Variants in PLCB1 observed in about 807,000 individuals in gnomAD.
PLCB1 encodes 1-phosphatidylinositol 4,5-bisphosphate phosphodiesterase beta-1.
A neutral mutation model predicts 161.8 loss-of-function variants in PLCB1; 46 were observed. That is an observed-to-expected ratio of 0.28 (90% CI 0.22 to 0.36). The LOEUF (loss-of-function observed/expected upper bound fraction) is 0.36, where lower values mean the gene tolerates loss of function less well. PLCB1 is among the 10% of genes least tolerant of loss of function. The pLI is 1.00. For missense variants in PLCB1, 1,016 were observed against 1,472.5 expected (o/e 0.69, Z 5.07); for synonymous variants, 517 against 503.7 (o/e 1.03, Z -0.35).
At chr20:8,364,511 A>G (rs1452052807) in intron 2 of PLCB1, among the ~76,000 whole-genome samples, 1 of 152,192 alleles carries the variant, frequency 6.6e-6, no homozygotes, top group East Asian at 1.9e-4. Context: ...TGCTTGCAAA[A>G]ATAAGGCATC....
intron 31 of PLCB1, among the ~76,000 whole-genome samples, chr20:8,842,084 TGA>T (rs1403939598): frequency 3.9e-5 from 6 of 152,104 alleles, no homozygotes; most frequent in African/African-American, 1.4e-4. Flanking sequence ...AAGGAAATGA[TGA>T]CATCAGTGTA....
At chr20:8,459,292 T>G (rs1048311051) in intron 3 of PLCB1, among the ~76,000 whole-genome samples, 1 of 152,216 alleles carries the variant, frequency 6.6e-6, no homozygotes, top group Non-Finnish European at 1.5e-5. Flanking sequence ...AAAGCATGTT[T>G]TTTCAATCCT....
intron 23 of PLCB1, among the ~76,000 whole-genome samples, chr20:8,745,112 A>AT (rs1981101585): frequency 6.6e-6 from 1 of 152,118 alleles, no homozygotes; most frequent in Admixed American, 6.6e-5. Context: ...AGAAAATATG[A>AT]TTTTTTTTCC....
chr20:8,346,002 A>G (rs1466600496), intron 2 of PLCB1, among the ~76,000 whole-genome samples: 3 of 152,206 alleles, frequency 2.0e-5, no homozygotes, highest in African/African-American at 7.2e-5. Context: ...CATAAAGTAA[A>G]GAGGCCAAGG....
chr20:8,356,892 T>G (rs1180854825), intron 2 of PLCB1, among the ~76,000 whole-genome samples: 2 of 152,154 alleles, frequency 1.3e-5, no homozygotes, highest in Non-Finnish European at 2.9e-5. Flanking sequence ...TGGAAGACTT[T>G]AAGGAAAAGC....
chr20:8,175,464 TA>T (rs201444980), intron 2 of PLCB1, among the ~76,000 whole-genome samples: 51 of 32,036 alleles, frequency 1.6e-3, no homozygotes, highest in East Asian at 5.2e-3. Context: ...TAAGTAAAAA[TA>T]AAAAAAAAAG....
rs550953115 is a variant in PLCB1 at position 8,491,384 on chromosome 20, G to GT, written c.246+119939dup. ...AAATTTATTCTCACCAAATTTGAAC[G>GT]TTTTTCAGACATTACGTTCTCAAAT... is the stretch of plus-strand genomic sequence containing the variant. On this transcript the variant is annotated intron_variant, in intron 3 of 31. Coordinates refer to ENST00000338037, the MANE Select transcript of PLCB1 (RefSeq NM_015192.4). Among the ~76,000 whole-genome samples the GT allele has an allele frequency of 3.2e-3, 483 of 152,058 alleles. 1 individual carries two copies. Among genetic ancestry groups the GT allele is most frequent in the South Asian group, 0.016 (77 of 4,736 alleles).
intron 2 of PLCB1, among the ~76,000 whole-genome samples, chr20:8,261,800 TC>T (rs1198293132): frequency 2.0e-5 from 3 of 152,164 alleles, no homozygotes; most frequent in Non-Finnish European, 1.5e-5. Context: ...AACTTACTTT[TC>T]TTCTTAAACC....
At chr20:8,150,419 T>C in intron 2 of PLCB1, 48 bp downstream of exon 2, 1 of 818,424 alleles carries the variant, frequency 1.2e-6, no homozygotes, top group Non-Finnish European at 2.0e-6. Flanking sequence ...CGTTTACTAC[T>C]TTGAAAAGTA....
chr20:8,275,203 G>A (rs564741411), intron 2 of PLCB1, among the ~76,000 whole-genome samples: 5 of 150,996 alleles, frequency 3.3e-5, no homozygotes, highest in South Asian at 2.1e-4. Flanking sequence ...TTTCTCTCCC[G>A]ATACTTTGTT....
chr20:8,810,371 G>T (rs182875706), intron 31 of PLCB1, among the ~76,000 whole-genome samples: 229 of 152,216 alleles, frequency 1.5e-3, no homozygotes, highest in African/African-American at 5.2e-3. Context: ...TTTCTGATTA[G>T]AGCTCTCTTC....
At chr20:8,705,162 A>G (rs1170561107) in intron 11 of PLCB1, among the ~76,000 whole-genome samples, 1 of 152,058 alleles carries the variant, frequency 6.6e-6, no homozygotes, top group Non-Finnish European at 1.5e-5. Flanking sequence ...GACCCAGTCA[A>G]GTTGACACAT....
chr20:8,860,638 A>G (rs1326566626), intron 31 of PLCB1, among the ~76,000 whole-genome samples: 2 of 152,238 alleles, frequency 1.3e-5, no homozygotes, highest in African/African-American at 2.4e-5. Flanking sequence ...AAAGTAATCC[A>G]TTCATCTCCA....
At chr20:8,506,599 G>T (rs1179295580) in intron 3 of PLCB1, among the ~76,000 whole-genome samples, 5 of 152,170 alleles carry the variant, frequency 3.3e-5, no homozygotes, top group African/African-American at 9.7e-5. Context: ...CATTGTAAAT[G>T]AATTTCCATT....
At chr20:8,259,315 T>TGTTA in intron 2 of PLCB1, among the ~76,000 whole-genome samples, 1 of 152,056 alleles carries the variant, frequency 6.6e-6, no homozygotes. Context: ...AATCCAAAGG[T>TGTTA]GTTACTCTAA....
chr20:8,233,544 C>T (rs1006510108), intron 2 of PLCB1, among the ~76,000 whole-genome samples: 1 of 152,072 alleles, frequency 6.6e-6, no homozygotes, highest in African/African-American at 2.4e-5. Flanking sequence ...CTTTCCTTTA[C>T]CTTTTCTTGA....
intron 9 of PLCB1, 41 bp from the exon 10 acceptor site, chr20:8,684,891 A>C (rs920507766): frequency 6.4e-7 from 1 of 1,563,342 alleles, no homozygotes; most frequent in Non-Finnish European, 8.7e-7. Context: ...GACACCCATA[A>C]AAGAATGCAT....
intron 2 of PLCB1, among the ~76,000 whole-genome samples, chr20:8,223,743 C>T (rs971522343): frequency 2.0e-5 from 3 of 152,108 alleles, no homozygotes; most frequent in African/African-American, 4.8e-5. Context: ...GCAGATTAAA[C>T]GTCTTCTTTA....
intron 3 of PLCB1, among the ~76,000 whole-genome samples, chr20:8,405,418 G>A (rs1978743851): frequency 6.6e-6 from 1 of 152,160 alleles, no homozygotes; most frequent in Non-Finnish European, 1.5e-5. Context: ...GCCTAGACTT[G>A]GAACAGGCAC....
Sources: gnomAD v4.1 joint callset for allele counts (sites outside exome capture counted in the v4.1 genomes callset) on GRCh38, gnomAD v4.1.1 for gene constraint, MANE v1.5 for transcripts, NCBI Gene and HGNC (gene_info 2026-07-23, HGNC 2026-07-21) for gene names.